The following NAALADL2 variants were observed in gnomAD, a reference collection of about 807,000 sequenced individuals.
NAALADL2 encodes N-acetylated alpha-linked acidic dipeptidase like 2.
NAALADL2 carries 76 observed loss-of-function variants against 87.2 expected under a neutral mutation model. The ratio of observed to expected loss-of-function variants is 0.87; its 90% CI spans 0.72 to 1.05. NAALADL2 has a LOEUF of 1.05. NAALADL2 is among the 50% of genes least tolerant of loss of function. The pLI is 0.00. For missense variants in NAALADL2, 1,089 were observed against 945.8 expected, an observed-to-expected ratio of 1.15 and a Z score of -1.99; for synonymous variants, 354 against 331.0, an observed-to-expected ratio of 1.07 and a Z score of -0.75.
chr3:174,452,936 T>A (rs1019047986), intron 1 of NAALADL2, among the ~76,000 whole-genome samples: 5 of 152,144 alleles, frequency 3.3e-5, no homozygotes, highest in African/African-American at 1.2e-4. Flanking sequence ...GGGACTGAGA[T>A]GACTGACGTG....
intron 3 of NAALADL2, among the ~76,000 whole-genome samples, chr3:174,847,534 G>A (rs965136521): frequency 6.6e-6 from 1 of 152,106 alleles, no homozygotes; most frequent in Non-Finnish European, 1.5e-5. Flanking sequence ...GAACATATTT[G>A]TCTGATTTTG....
chr3:175,098,816 A>G (rs1354688070), intron 2 of NAALADL2, among the ~76,000 whole-genome samples: 1 of 151,978 alleles, frequency 6.6e-6, no homozygotes, highest in East Asian at 1.9e-4. Context: ...CATTATGGAC[A>G]TCTGTTCTAT....
At chr3:174,645,651 ATATG>A (rs1369440803) in intron 2 of NAALADL2, among the ~76,000 whole-genome samples, 1 of 152,210 alleles carries the variant, frequency 6.6e-6, no homozygotes, top group African/African-American at 2.4e-5. Flanking sequence ...TTTCACATAT[ATATG>A]AGAAGATCTT....
intron 11 of NAALADL2, among the ~76,000 whole-genome samples, chr3:175,632,622 A>G (rs956682563): frequency 6.6e-6 from 1 of 152,114 alleles, no homozygotes; most frequent in Non-Finnish European, 1.5e-5. Flanking sequence ...CATGAAATAG[A>G]GTGAAGAGTC....
chr3:174,903,277 G>T (rs1407798244), intron 1 of NAALADL2, among the ~76,000 whole-genome samples: 1 of 152,192 alleles, frequency 6.6e-6, no homozygotes, highest in Non-Finnish European at 1.5e-5. Flanking sequence ...GGCACCAACA[G>T]AAATGATTTT....
intron 8 of NAALADL2, among the ~76,000 whole-genome samples, chr3:175,471,193 A>G (rs1724811300): frequency 6.6e-6 from 1 of 152,048 alleles, no homozygotes; most frequent in African/African-American, 2.4e-5. Context: ...CTTTTTTAAG[A>G]AAGAAATTAT....
chr3:175,565,635 G>A (rs1324876158), intron 9 of NAALADL2, among the ~76,000 whole-genome samples: 1 of 62,114 alleles, frequency 1.6e-5, no homozygotes, highest in Non-Finnish European at 3.7e-5. Context: ...TAATAAAGTG[G>A]CAATTTCTCT....
chr3:175,667,215 G>GAAAT (rs1181954127), intron 11 of NAALADL2, among the ~76,000 whole-genome samples: 4 of 122,452 alleles, frequency 3.3e-5, no homozygotes, highest in African/African-American at 1.8e-4. Flanking sequence ...AAGAAAGAAA[G>GAAAT]AAAGAAAGAA....
chr3:174,970,417 G>C (rs1485078272), intron 1 of NAALADL2, among the ~76,000 whole-genome samples: 1 of 152,086 alleles, frequency 6.6e-6, no homozygotes, highest in Non-Finnish European at 1.5e-5. Flanking sequence ...GCAAGAAAAA[G>C]CTCTTTTGCT....
intron 5 of NAALADL2, among the ~76,000 whole-genome samples, chr3:175,406,047 T>A (rs142772541): frequency 1.4e-4 from 22 of 152,298 alleles, no homozygotes; most frequent in Non-Finnish European, 2.6e-4. Flanking sequence ...CTTACCCTCA[T>A]GGAGTTTATA....
intron 1 of NAALADL2, among the ~76,000 whole-genome samples, chr3:175,031,607 C>T (rs1165986294): frequency 4.0e-5 from 6 of 151,786 alleles, no homozygotes; most frequent in Admixed American, 6.6e-5. Context: ...TTTGGTAGAA[C>T]GATTTATTTT....
At chr3:175,631,508 AG>A (rs1216177986) in intron 11 of NAALADL2, among the ~76,000 whole-genome samples, 1 of 151,446 alleles carries the variant, frequency 6.6e-6, no homozygotes, top group Non-Finnish European at 1.5e-5. Flanking sequence ...TTTGATATAA[AG>A]CATGAAACCT....
At chr3:174,808,794 T>TA (rs919987878) in intron 3 of NAALADL2, among the ~76,000 whole-genome samples, 5 of 151,604 alleles carry the variant, frequency 3.3e-5, no homozygotes, top group East Asian at 3.9e-4. Context: ...TATTTTCAAT[T>TA]AAAAAAAATG....
intron 4 of NAALADL2, among the ~76,000 whole-genome samples, chr3:175,266,844 A>G (rs1276140573): frequency 2.6e-5 from 4 of 151,886 alleles, no homozygotes; most frequent in Admixed American, 2.0e-4. Context: ...ATTAAATAAT[A>G]GTACAACCTG....
At chr3:175,446,456 A>G (rs1720722024) in intron 5 of NAALADL2, among the ~76,000 whole-genome samples, 1 of 152,120 alleles carries the variant, frequency 6.6e-6, no homozygotes, top group African/African-American at 2.4e-5. Flanking sequence ...TGGCCAGGCT[A>G]GTCTTGAAAT....
intron 10 of NAALADL2, among the ~76,000 whole-genome samples, chr3:175,625,543 A>C (rs1560872326): frequency 6.6e-6 from 1 of 151,924 alleles, no homozygotes; most frequent in Non-Finnish European, 1.5e-5. Context: ...CTGCATGTTG[A>C]GAGTAGATAG....
At chr3:175,759,136 C>CCGGGCG (rs1343976955) in intron 13 of NAALADL2, among the ~76,000 whole-genome samples, 1 of 152,148 alleles carries the variant, frequency 6.6e-6, no homozygotes, top group African/African-American at 2.4e-5. Context: ...TCATTGAACG[C>CCGGGCG]TGCTCTGTTG....
At chr3:174,950,667 C>A (rs2108509629) in intron 1 of NAALADL2, among the ~76,000 whole-genome samples, 1 of 152,164 alleles carries the variant, frequency 6.6e-6, no homozygotes, top group Middle Eastern at 3.4e-3. Context: ...TAAGGTTGTG[C>A]ACAACTTTGT....
rs536109625 is a variant in NAALADL2 at position 175,393,678 on chromosome 3, CAG to C, written c.1091-53547_1091-53546del. Among the ~76,000 whole-genome samples the C allele has an allele frequency of 3.9e-5, 6 of 152,200 alleles. No individual in the cohort carries two copies. The South Asian group carries it at 1.0e-3, about 26-fold the overall frequency. ...TTATCTCAATAACCTGAGGATAAAT[CAG>C]AGACATCAGTTTTTTATCCTAAATA... On this transcript the variant is annotated intron_variant, in intron 5 of 13. Transcript: ENST00000454872.
Sources: gnomAD v4.1 joint callset for allele counts (sites outside exome capture counted in the v4.1 genomes callset) on GRCh38, gnomAD v4.1.1 for gene constraint, MANE v1.5 for transcripts, NCBI Gene and HGNC (gene_info 2026-07-23, HGNC 2026-07-21) for gene names.